The following GLRX3 variants were observed in gnomAD, a reference collection of about 807,000 sequenced individuals.
GLRX3 encodes the protein glutaredoxin 3.
GLRX3 carries 22 observed loss-of-function variants against 49.5 expected under a neutral mutation model. The observed-to-expected ratio is 0.44, with a 90% confidence interval of 0.32 to 0.63. The LOEUF is 0.63. GLRX3 is among the 30% of genes least tolerant of loss of function. The pLI, the probability that GLRX3 is intolerant of heterozygous loss-of-function variation, is 0.05. For missense variants in GLRX3, 385 were observed against 396.3 expected (o/e 0.97, Z 0.24); for synonymous variants, 133 against 140.0 (o/e 0.95, Z 0.35).
At position 130,153,184 on chromosome 10, in the gene GLRX3, A is replaced by T. The variant is rs182013955; in HGVS notation, c.202-6811A>T. 4.6e-5 allele frequency among the ~76,000 whole-genome samples: 7 copies of T among 152,236 alleles called. No homozygotes were observed. In the East Asian group the frequency reaches 1.4e-3, roughly 29 times the overall value. Reference sequence around the variant, plus strand: ...ATTTAAGCTCTTCTCTACATTGATTAGTTAGCCACTTGTCTAACTTTTTTC... The same window carrying T: ...ATTTAAGCTCTTCTCTACATTGATTTGTTAGCCACTTGTCTAACTTTTTTC... On this transcript the variant is annotated intron_variant, in intron 2 of 10. Coordinates refer to ENST00000331244, the MANE Select transcript of GLRX3 (RefSeq NM_006541.5).
In GLRX3 at chr10:130,158,905, A is replaced by T. The variant is rs1384141892; in HGVS notation, c.202-1090A>T. ...CTAAAAAAATAAGAATTAAGGTAGTAAAAGAGCACCCAAGAATGTAGGAGA... is the reference window on the plus strand; with the variant it reads ...CTAAAAAAATAAGAATTAAGGTAGTTAAAGAGCACCCAAGAATGTAGGAGA... On this transcript the variant is annotated intron_variant, in intron 2 of 10. Transcript: ENST00000331244. 2.0e-5 allele frequency among the ~76,000 whole-genome samples: 3 copies of T among 152,222 alleles called. No individual in the cohort carries two copies. The South Asian group carries it at 6.2e-4, about 31-fold the overall frequency.
At chr10:130,174,956 G>A (rs1414264758) in intron 9 of GLRX3, 41 bp from the exon 10 acceptor site, 16 of 1,556,836 alleles carry the variant, frequency 1.0e-5, no homozygotes, top group Non-Finnish European at 1.4e-5. Flanking sequence ...TAATCTTAAG[G>A]GCCTGATAGG....
At chr10:130,153,886 C>A (rs1862426452) in intron 2 of GLRX3, among the ~76,000 whole-genome samples, 1 of 152,168 alleles carries the variant, frequency 6.6e-6, no homozygotes, top group Non-Finnish European at 1.5e-5. Context: ...TCAGATATGC[C>A]CTGCCCCCAG....
intron 4 of GLRX3, 92 bp from the exon 5 acceptor site, chr10:130,166,415 T>G: frequency 2.4e-6 from 2 of 841,126 alleles, no homozygotes; most frequent in Middle Eastern, 3.4e-4. Context: ...TCTATGTCTT[T>G]TAGATGATAT....
chr10:130,137,285 G>C (rs1378275970), intron 1 of GLRX3, among the ~76,000 whole-genome samples: 1 of 152,202 alleles, frequency 6.6e-6, no homozygotes, highest in Non-Finnish European at 1.5e-5. Context: ...AGCGTTTTCT[G>C]GGTGGACTAG....
intron 2 of GLRX3, among the ~76,000 whole-genome samples, chr10:130,146,820 C>G (rs1013141430): frequency 1.3e-5 from 2 of 152,154 alleles, no homozygotes; most frequent in African/African-American, 2.4e-5. Flanking sequence ...TCTATGTAAA[C>G]TGAAAACACA....
intron 8 of GLRX3, among the ~76,000 whole-genome samples, chr10:130,173,229 T>C (rs991157175): frequency 2.6e-5 from 4 of 152,206 alleles, no homozygotes; most frequent in African/African-American, 9.6e-5. Context: ...CTCGTGTCTT[T>C]GGTGGAACAT....
chr10:130,154,357 C>A (rs541055236), intron 2 of GLRX3, among the ~76,000 whole-genome samples: 1 of 152,132 alleles, frequency 6.6e-6, no homozygotes, highest in South Asian at 2.1e-4. Flanking sequence ...TCCAACCAGT[C>A]CCAATAAGAT....
At chr10:130,159,774 A>G (rs1056105300) in intron 2 of GLRX3, 8 of 1,281,906 alleles carry the variant, frequency 6.2e-6, no homozygotes, top group Non-Finnish European at 7.9e-6. Context: ...AATGTGCAAC[A>G]AAATAAAAAC....
At chr10:130,164,840 T>C (rs1228059321) in intron 4 of GLRX3, among the ~76,000 whole-genome samples, 1 of 152,216 alleles carries the variant, frequency 6.6e-6, no homozygotes, top group East Asian at 1.9e-4. Context: ...GTTAATATAT[T>C]GGCAACAGAA....
intron 2 of GLRX3, among the ~76,000 whole-genome samples, chr10:130,158,979 C>T (rs1375696262): frequency 6.6e-6 from 1 of 152,104 alleles, no homozygotes; most frequent in Non-Finnish European, 1.5e-5. Flanking sequence ...ACTTTCTCTG[C>T]AAGCTTTATT....
chr10:130,160,886 C>T lies in GLRX3; in HGVS notation c.367C>T (p.Pro123Ser), dbSNP rs2274217. ...ACATGCATCTAGTGGCTCCTTCCTA[C>T]CCAGCGCTAATGAACATCTTAAAGA... The part of the protein sequence containing the change: ...QRHASSGSFL[P>S]SANEHLKEDL... The change falls in exon 4 of 11, where the codon CCC becomes TCC. Residue 123 changes from proline to serine, a missense_variant. This residue lies in a region of GLRX3 where 374 missense variants were observed against 358.6 expected (regional missense o/e 1.04). Coordinates refer to ENST00000331244, the MANE Select transcript of GLRX3 (RefSeq NM_006541.5). 399,471 of 1,609,738 alleles carry T rather than the reference C, an allele frequency of 0.25. 52,012 individuals carry two copies. The highest frequency in any genetic ancestry group is 0.3 in the South Asian group (27,030 of 91,004).
intron 2 of GLRX3, among the ~76,000 whole-genome samples, chr10:130,145,810 T>A (rs1189806816): frequency 6.6e-6 from 1 of 152,120 alleles, no homozygotes; most frequent in South Asian, 2.1e-4. Context: ...TTTGCATTTT[T>A]TTTTTTTTTG....
chr10:130,146,243 T>A (rs897544219), intron 2 of GLRX3, among the ~76,000 whole-genome samples: 1 of 152,156 alleles, frequency 6.6e-6, no homozygotes, highest in Non-Finnish European at 1.5e-5. Context: ...GTAACACAAA[T>A]TATGTCATTG....
intron 2 of GLRX3, among the ~76,000 whole-genome samples, chr10:130,158,024 C>T (rs7902161): frequency 0.21 from 32,227 of 152,008 alleles, 3,509 homozygotes; most frequent in Middle Eastern, 0.29. Flanking sequence ...TTCCTGTTCC[C>T]TTCTTCTTAA....
At chr10:130,144,244 C>T (rs917057383) in intron 1 of GLRX3, among the ~76,000 whole-genome samples, 15 of 150,894 alleles carry the variant, frequency 9.9e-5, no homozygotes, top group Non-Finnish European at 2.1e-4. Context: ...AATTCAGTTT[C>T]CACTTTGCCC....
At chr10:130,165,396 T>TAATGTCAC (rs1472096319) in intron 4 of GLRX3, among the ~76,000 whole-genome samples, 1 of 151,982 alleles carries the variant, frequency 6.6e-6, no homozygotes, top group South Asian at 2.1e-4. Flanking sequence ...TATAATGTCA[T>TAATGTCAC]AATAAGATGA....
Position 130,153,180 on chromosome 10 carries a change from G to C in GLRX3, c.202-6815G>C, listed in dbSNP as rs570619869. Among the ~76,000 whole-genome samples the C allele has an allele frequency of 1.0e-3, 156 of 152,096 alleles. 1 individual carries two copies. Among genetic ancestry groups the C allele is most frequent in the African/African-American group, 3.5e-3 (147 of 41,494 alleles). ...GGTCATTTAAGCTCTTCTCTACATT[G>C]ATTAGTTAGCCACTTGTCTAACTTT... On this transcript the variant is annotated intron_variant, in intron 2 of 10. Transcript: ENST00000331244.
intron 2 of GLRX3, among the ~76,000 whole-genome samples, chr10:130,149,649 TG>T (rs1301187137): frequency 6.6e-6 from 1 of 151,998 alleles, no homozygotes; most frequent in Admixed American, 6.6e-5. Context: ...TTCCAAAATA[TG>T]GTATCTGGCA....
Sources: gnomAD v4.1 joint callset for allele counts (sites outside exome capture counted in the v4.1 genomes callset) on GRCh38, gnomAD v4.1.1 for gene constraint, gnomAD v4.1.1 regional missense constraint, MANE v1.5 for transcripts, NCBI Gene and HGNC (gene_info 2026-07-23, HGNC 2026-07-21) for gene names.